RGS17: variants seen among roughly 807,000 people sequenced by gnomAD.
The protein encoded by RGS17 is regulator of G-protein signaling 17.
A neutral mutation model predicts 25.5 loss-of-function variants in RGS17; 12 were observed. The ratio of observed to expected loss-of-function variants is 0.47; its 90% confidence interval spans 0.30 to 0.76. The LOEUF is 0.76. Among genes scored for constraint, RGS17 ranks in the 30% least tolerant of loss-of-function variants. RGS17 has a pLI of 0.07. For synonymous variants in RGS17, 71 were observed against 76.9 expected (o/e 0.92, Z 0.40); for missense variants, 196 against 242.2 (o/e 0.81, Z 1.27).
intron 1 of RGS17, among the ~76,000 whole-genome samples, chr6:153,099,124 G>C (rs1777259230): frequency 6.6e-6 from 1 of 152,056 alleles, no homozygotes. Context: ...AAATGAAAAT[G>C]AACACACCAG....
At chr6:153,107,580 C>T in intron 1 of RGS17, among the ~76,000 whole-genome samples, 1 of 151,978 alleles carries the variant, frequency 6.6e-6, no homozygotes, top group South Asian at 2.1e-4. Flanking sequence ...TTCTTAAAGC[C>T]TATATTATAT....
At chr6:153,023,406 G>A (rs759625963) in intron 4 of RGS17, 3 of 507,020 alleles carry the variant, frequency 5.9e-6, no homozygotes, top group South Asian at 4.3e-5. Flanking sequence ...TGTTCTCTAA[G>A]TGCTTTGAAG....
chr6:153,092,105 A>T (rs759066357), intron 1 of RGS17, among the ~76,000 whole-genome samples: 4 of 152,244 alleles, frequency 2.6e-5, no homozygotes, highest in Non-Finnish European at 4.4e-5. Flanking sequence ...TCATTAAAAA[A>T]ATTCCAAAAG....
rs1275758570 is a variant in RGS17, at chr6:153,006,395, A to G, written c.*5179T>C. ...CTTATTTAAACTTTAATTTTAACCT[A>G]TAATTGTATATCCATTTATCATCTA... On this transcript the variant is annotated 3_prime_UTR_variant, in exon 5 of 5. Coordinates refer to ENST00000206262, the MANE Select transcript of RGS17 (RefSeq NM_012419.5). 6.8e-6 allele frequency: 1 copy of G among 146,900 alleles called. No homozygotes were observed. Among genetic ancestry groups the G allele is most frequent in the African/African-American group, 2.6e-5 (1 of 38,672 alleles). The allele number at this position is 146,900 out of a possible 1,614,324, so 9.1% of individuals were successfully genotyped here. A position where few individuals can be genotyped will look rare whatever the true frequency, so the allele number is the denominator to read the frequency against.
intron 2 of RGS17, 31 bp downstream of exon 2, chr6:153,043,869 G>GGTGTGGCA (rs1776353049): frequency 1.4e-6 from 2 of 1,385,556 alleles, no homozygotes; most frequent in Non-Finnish European, 1.0e-6. Context: ...GCCAAGCCTG[G>GGTGTGGCA]GTGTGGCATC....
chr6:153,113,832 G>A (rs899117629), intron 1 of RGS17, among the ~76,000 whole-genome samples: 10 of 152,234 alleles, frequency 6.6e-5, no homozygotes, highest in South Asian at 2.1e-4. Flanking sequence ...AAAGACTACC[G>A]CGTAAATAAT....
intron 2 of RGS17, among the ~76,000 whole-genome samples, chr6:153,034,249 T>C (rs1364069965): frequency 2.0e-5 from 3 of 152,098 alleles, no homozygotes; most frequent in Non-Finnish European, 4.4e-5. Flanking sequence ...TCTTGATCTG[T>C]AGAGAAACAA....
intron 1 of RGS17, among the ~76,000 whole-genome samples, chr6:153,072,058 G>A (rs1584144334): frequency 6.6e-6 from 1 of 152,084 alleles, no homozygotes. Context: ...TTCTCTACAA[G>A]TCTTTTGAGG....
chr6:153,114,330 G>T (rs948053251), intron 1 of RGS17, among the ~76,000 whole-genome samples: 1 of 152,122 alleles, frequency 6.6e-6, no homozygotes, highest in African/African-American at 2.4e-5. Flanking sequence ...AGAAAATGTA[G>T]AAGAAATGGA....
At chr6:153,049,965 T>G (rs1330234101) in intron 1 of RGS17, among the ~76,000 whole-genome samples, 1 of 152,096 alleles carries the variant, frequency 6.6e-6, no homozygotes, top group African/African-American at 2.4e-5. Flanking sequence ...TAGATCAAAA[T>G]AATAAAACTC....
chr6:153,086,761 T>TG (rs1414241573), intron 1 of RGS17, among the ~76,000 whole-genome samples: 1 of 152,192 alleles, frequency 6.6e-6, no homozygotes, highest in East Asian at 1.9e-4. Context: ...TACACACACA[T>TG]GTCCCATATG....
At position 153,035,012 on chromosome 6, in the gene RGS17, G is replaced by C. The variant is rs181906279; in HGVS notation, c.120-8469C>G. ...TAAAAATACAAAAAAAAATTAGCCA[G>C]GTGTGGTGGTGCATGCCTGCAGTCC... On this transcript the variant is annotated intron_variant, in intron 2 of 4. Coordinates refer to ENST00000206262, the MANE Select transcript of RGS17 (RefSeq NM_012419.5). Among the ~76,000 whole-genome samples the C allele has an allele frequency of 4.6e-5, 7 of 152,180 alleles. No individual in the cohort carries two copies. The East Asian group carries it at 1.4e-3, about 29-fold the overall frequency.
chr6:153,020,107 AAAAAATATATATATATAT>A (rs1382948851), intron 4 of RGS17, among the ~76,000 whole-genome samples: 1 of 47,854 alleles, frequency 2.1e-5, no homozygotes, highest in African/African-American at 8.9e-5. Context: ...TCTTAAAAAA[AAAAAATATATATATATAT>A]ATATATATAT....
chr6:153,095,110 A>G (rs1345818299), intron 1 of RGS17, among the ~76,000 whole-genome samples: 1 of 152,166 alleles, frequency 6.6e-6, no homozygotes, highest in Non-Finnish European at 1.5e-5. Context: ...TTTTAAGAAA[A>G]TAATTTGGGA....
chr6:153,016,974 T>C (rs1325127792), intron 4 of RGS17, among the ~76,000 whole-genome samples: 1 of 152,154 alleles, frequency 6.6e-6, no homozygotes, highest in Non-Finnish European at 1.5e-5. Context: ...ACTGAGGAAT[T>C]TCCTGTAAAG....
intron 1 of RGS17, among the ~76,000 whole-genome samples, chr6:153,049,551 A>G (rs1220668009): frequency 1.3e-5 from 2 of 152,078 alleles, no homozygotes; most frequent in African/African-American, 2.4e-5. Context: ...GGAGATCGAG[A>G]CCATCCTGGC....
Position 153,007,744 on chromosome 6 carries a change from A to C in RGS17, c.*3830T>G, listed in dbSNP as rs1779092112. The C allele has an allele frequency of 6.6e-6, 1 of 152,020 alleles. No homozygotes were observed. Among genetic ancestry groups the C allele is most frequent in the African/African-American group, 2.4e-5 (1 of 41,366 alleles). The allele number at this position is 152,020 out of a possible 1,614,324, so 9.4% of individuals were successfully genotyped here. On this transcript the variant is annotated 3_prime_UTR_variant, in exon 5 of 5. Coordinates refer to ENST00000206262, the MANE Select transcript of RGS17 (RefSeq NM_012419.5). ...GTAGCCGGGATTAAAGGCACCCACC[A>C]CCATGCCCGGCTAATTTTGTATTTT...
At chr6:153,032,846 T>C (rs1776171029) in intron 2 of RGS17, among the ~76,000 whole-genome samples, 1 of 152,262 alleles carries the variant, frequency 6.6e-6, no homozygotes, top group South Asian at 2.1e-4. Context: ...ACATTGTCAT[T>C]ATCGTTTCCG....
intron 1 of RGS17, among the ~76,000 whole-genome samples, chr6:153,064,538 G>A (rs1776680966): frequency 6.6e-6 from 1 of 151,870 alleles, no homozygotes; most frequent in South Asian, 2.1e-4. Context: ...GCTGAGGCAG[G>A]AGAATAGTGT....
Sources: gnomAD v4.1 joint callset for allele counts (sites outside exome capture counted in the v4.1 genomes callset) on GRCh38, gnomAD v4.1.1 for gene constraint, MANE v1.5 for transcripts, NCBI Gene and HGNC (gene_info 2026-07-23, HGNC 2026-07-21) for gene names.